Variants in AP5Z1 observed in about 807,000 individuals in gnomAD.
The protein encoded by AP5Z1 is AP-5 complex subunit zeta-1.
A neutral mutation model predicts 83.0 loss-of-function variants in AP5Z1; 106 were observed. The ratio of observed to expected loss-of-function variants is 1.28; its 90% CI spans 1.09 to 1.50. The LOEUF is 1.50. Among genes scored for constraint, AP5Z1 ranks in the 40% most tolerant of loss-of-function variants. The pLI is 0.00. For synonymous variants in AP5Z1, 751 were observed against 514.1 expected (o/e 1.46, Z -6.23); for missense variants, 1,565 against 1,094.2 (o/e 1.43, Z -6.07).
At position 4,790,802 on chromosome 7, in the gene AP5Z1, C is replaced by T. The variant is rs754268648; in HGVS notation, c.2068C>T (p.Leu690=). Residue 690 remains leucine, a synonymous_variant, in exon 16 of 17, where the codon CTG becomes TTG. Coordinates refer to ENST00000649063, the MANE Select transcript of AP5Z1 (RefSeq NM_014855.3). ...EVTQCRPSAA[L]PRCPPQVVTV... ...CACCCAGTGCCGCCCCTCTGCTGCCCTGCCCAGGTGTCCCCCCCAGGTGGT... is the reference window on the plus strand; with the variant it reads ...CACCCAGTGCCGCCCCTCTGCTGCCTTGCCCAGGTGTCCCCCCCAGGTGGT... 2 of 1,609,404 alleles carry T rather than the reference C, an allele frequency of 1.2e-6. No homozygotes were observed. Among genetic ancestry groups the T allele is most frequent in the Non-Finnish European group, 1.7e-6 (2 of 1,178,930 alleles).
In AP5Z1 at chr7:4,783,774, CT is replaced by C; in HGVS notation, c.599del (p.Phe200SerfsTer19). ...AAGGGCTCCCACACTCCGGCGGCTT[CT>C]TCTCCACGCCCAGGGCCCGGCAGGT... ...QQGLPHSGGF[F>X]STPRARQPGP... On this transcript the variant is annotated frameshift_variant, in exon 5 of 17. Transcript: ENST00000649063. LOFTEE classifies it high-confidence loss of function. The C allele has an allele frequency of 1.3e-6, 2 of 1,549,902 alleles. No homozygotes were observed. Among genetic ancestry groups the C allele is most frequent in the Non-Finnish European group, 1.7e-6 (2 of 1,147,154 alleles).
intron 12 of AP5Z1, chr7:4,788,574 C>G: frequency 2.0e-6 from 1 of 504,452 alleles, no homozygotes; most frequent in South Asian, 3.8e-5. Flanking sequence ...CAAACCGAGC[C>G]TGAGCCCAGG....
rs545239331 is a variant in AP5Z1, at chr7:4,785,717, G to C, written c.1132+33G>C. The C allele has an allele frequency of 9.7e-6, 14 of 1,441,990 alleles. No homozygotes were observed. In the South Asian group the frequency reaches 2.0e-4, roughly 21 times the overall value. The allele number at this position is 1,441,990 out of a possible 1,614,324, so 89.3% of individuals were successfully genotyped here. ...CAGGGTGGGGTGGCGCTGACTCGGG[G>C]CTCTGCTTCTGCCTTTAGTTTTAGG... On this transcript the variant is annotated intron_variant, in intron 9 of 16. Transcript: ENST00000649063.
intron 13 of AP5Z1, chr7:4,789,164 C>T: frequency 1.9e-6 from 1 of 525,932 alleles, no homozygotes; most frequent in East Asian, 3.3e-5. Context: ...AGGCCCCGTT[C>T]CCCAGTCCCC....
chr7:4,788,243 A>G lies in AP5Z1; in HGVS notation c.1544A>G (p.Gln515Arg). Reference sequence around the variant, plus strand: ...GAGGCCTTCCGGGACCCGCAGTTCCAGGGTCTTTTCCAATACCTGCTGCGC... The same window carrying G: ...GAGGCCTTCCGGGACCCGCAGTTCCGGGGTCTTTTCCAATACCTGCTGCGC... ...CLEAFRDPQF[Q>R]GLFQYLLRPK... The change falls in exon 12 of 17, where the codon CAG (glutamine) becomes CGG (arginine). Residue 515 changes from glutamine (Q) to arginine (R), a missense_variant. Coordinates refer to ENST00000649063, the MANE Select transcript of AP5Z1 (RefSeq NM_014855.3). 2 of 1,585,448 alleles carry G rather than the reference A, an allele frequency of 1.3e-6. No individual in the cohort carries two copies. The highest frequency in any genetic ancestry group is 1.2e-5 in the South Asian group (1 of 86,854).
rs535419745 is a variant in AP5Z1 at position 4,791,614 on chromosome 7, G to A, written c.*229G>A. On this transcript the variant is annotated 3_prime_UTR_variant, in exon 17 of 17. Transcript: ENST00000649063. ...AGGCAACACTGAGCTGAGCTGAGGG[G>A]TGCCATGGAGCGGCTCTGATTGGAG... 328 of 631,110 alleles carry A rather than the reference G, an allele frequency of 5.2e-4. 8 individuals carry two copies. The South Asian group carries it at 8.0e-3, about 15-fold the overall frequency. The allele number at this position is 631,110 out of a possible 1,614,324, so 39.1% of individuals were successfully genotyped here.
At position 4,787,392 on chromosome 7, in the gene AP5Z1, G is replaced by A. The variant is rs552669088; in HGVS notation, c.1312-242G>A. ...TCTCAGCTGCTCAGGAGGCTGAGGT[G>A]GGAGGATCACTTGAGCCTGGGAGGT... On this transcript the variant is annotated intron_variant, in intron 10 of 16. Coordinates refer to ENST00000649063, the MANE Select transcript of AP5Z1 (RefSeq NM_014855.3). Among the ~76,000 whole-genome samples the A allele has an allele frequency of 1.6e-3, 237 of 152,220 alleles. 3 individuals carry two copies. The highest frequency in any genetic ancestry group is 5.4e-3 in the African/African-American group (223 of 41,548).
At chr7:4,785,263 C>A (rs974186301) in intron 7 of AP5Z1, among the ~76,000 whole-genome samples, 152 bp from the exon 8 acceptor site, 1 of 152,206 alleles carries the variant, frequency 6.6e-6, no homozygotes, top group East Asian at 1.9e-4. Context: ...CCCACCTGGG[C>A]CCCTCGCCTC....
In AP5Z1 at chr7:4,790,541, C is replaced by G; in HGVS notation, c.1888C>G (p.Leu630Val). 6.2e-7 allele frequency: 1 copy of G among 1,613,176 alleles called. No individual in the cohort carries two copies. The highest frequency in any genetic ancestry group is 1.1e-5 in the South Asian group (1 of 91,084). Residue 630 changes from leucine to valine, a missense_variant, in exon 15 of 17, where the codon CTG becomes GTG. By Grantham distance (32) the Leu-to-Val change is conservative. Coordinates refer to ENST00000649063, the MANE Select transcript of AP5Z1 (RefSeq NM_014855.3). ...VELARDLLEF[L>V]GSVNGLCSRA... Reference sequence around the variant, plus strand: ...GCTGGCAAGAGACCTGCTGGAGTTCCTGGGCAGCGTGAATGGTCTCTGCAG... The same window carrying G: ...GCTGGCAAGAGACCTGCTGGAGTTCGTGGGCAGCGTGAATGGTCTCTGCAG...
chr7:4,783,747 G>C lies in AP5Z1; in HGVS notation c.570G>C (p.Gln190His). Residue 190 changes from glutamine (Q) to histidine (H), a missense_variant, in exon 5 of 17, where the codon CAG (glutamine) becomes CAC (histidine). Gln to His is a conservative substitution (Grantham distance 24, BLOSUM62 0). Coordinates refer to ENST00000649063, the MANE Select transcript of AP5Z1 (RefSeq NM_014855.3). Reference protein sequence around the residue: ...LVDWLRYASLQQGLPHSGGFF... With the variant: ...LVDWLRYASLHQGLPHSGGFF... ...ACTGGCTGCGCTACGCCAGCCTCCA[G>C]CAAGGGCTCCCACACTCCGGCGGCT... The C allele has an allele frequency of 6.4e-7, 1 of 1,550,846 alleles. No homozygotes were observed. The highest frequency in any genetic ancestry group is 8.7e-7 in the Non-Finnish European group (1 of 1,147,224).
chr7:4,787,586 T>G, intron 10 of AP5Z1, 48 bp from the exon 11 acceptor site: 1 of 1,526,254 alleles, frequency 6.6e-7, no homozygotes, highest in Non-Finnish European at 8.8e-7. Flanking sequence ...CTCTGCCGCC[T>G]GCTCCACAGC....
chr7:4,793,675 A>G lies in AP5Z1; in HGVS notation c.*2290A>G, dbSNP rs1183205843. On this transcript the variant is annotated 3_prime_UTR_variant, in exon 17 of 17. Coordinates refer to ENST00000649063, the MANE Select transcript of AP5Z1 (RefSeq NM_014855.3). The stretch of plus-strand genomic sequence containing the variant: ...CAGTGAGGGGCTTAGCACCTGGACC[A>G]GCAGCTGCTGTGCTCGATTTCTCAC... 1 of 152,600 alleles carries G rather than the reference A, an allele frequency of 6.6e-6. No homozygotes were observed. Among genetic ancestry groups the G allele is most frequent in the East Asian group, 1.9e-4 (1 of 5,214 alleles). 9.5% of individuals were successfully genotyped at this position (152,600 alleles called of 1,614,324 possible).
rs1007098492 is a variant in AP5Z1 at position 4,794,065 on chromosome 7, G to A, written c.*2680G>A. On this transcript the variant is annotated 3_prime_UTR_variant, in exon 17 of 17. Transcript: ENST00000649063. ...TTGTAAACACACCAATCAGCACCTT[G>A]TGTCTAGCTCAGGGTTTGTGAATGC... 1.3e-5 allele frequency: 2 copies of A among 152,662 alleles called. No individual in the cohort carries two copies. Among genetic ancestry groups the A allele is most frequent in the Middle Eastern group, 3.1e-3 (1 of 322 alleles). 9.5% of individuals were successfully genotyped at this position (152,662 alleles called of 1,614,324 possible). A position where few individuals can be genotyped will look rare whatever the true frequency, so the allele number is the denominator to read the frequency against.
chr7:4,776,722 G>A (rs534114755), intron 1 of AP5Z1, among the ~76,000 whole-genome samples: 2 of 152,178 alleles, frequency 1.3e-5, no homozygotes, highest in African/African-American at 2.4e-5. Flanking sequence ...GGGACAGAGC[G>A]AAACTCCGTC....
intron 11 of AP5Z1, 25 bp downstream of exon 11, chr7:4,787,801 G>C (rs753819306): frequency 1.6e-5 from 24 of 1,511,058 alleles, no homozygotes; most frequent in South Asian, 3.7e-5. Flanking sequence ...CTCTGCCAGC[G>C]CTGCGTCTCC....
chr7:4,779,570 C>A (rs915913012), intron 1 of AP5Z1, among the ~76,000 whole-genome samples: 17 of 151,580 alleles, frequency 1.1e-4, no homozygotes, highest in African/African-American at 3.9e-4. Flanking sequence ...TCTTCCAGCT[C>A]AAGCAGTTCT....
chr7:4,789,981 T>TCCTCCCCCTCTCC (rs904201985), intron 14 of AP5Z1, 52 bp downstream of exon 14: 10 of 1,350,368 alleles, frequency 7.4e-6, no homozygotes, highest in Admixed American at 5.1e-5. Context: ...CCTCCTGGAC[T>TCCTCCCCCTCTCC]CCTCCCCCTC....
intron 16 of AP5Z1, 45 bp from the exon 17 acceptor site, chr7:4,791,069 TG>T: frequency 6.6e-7 from 1 of 1,521,652 alleles, no homozygotes; most frequent in Non-Finnish European, 8.8e-7. Context: ...ACCCCTGTCC[TG>T]GGAGGGGAGC....
rs1259290231 is a variant in AP5Z1 at position 4,790,528 on chromosome 7, CCTG to C, written c.1879_1881del (p.Leu627del). On this transcript the variant is annotated inframe_deletion, in exon 15 of 17. Coordinates refer to ENST00000649063, the MANE Select transcript of AP5Z1 (RefSeq NM_014855.3). Reference sequence around the variant, plus strand: ...CCCTGGTGGTGGAGCTGGCAAGAGACCTGCTGGAGTTCCTGGGCAGCGTGAATG... The same window carrying C: ...CCCTGGTGGTGGAGCTGGCAAGAGACCTGGAGTTCCTGGGCAGCGTGAATG... 2.4e-5 allele frequency: 38 copies of C among 1,613,048 alleles called. No individual in the cohort carries two copies. The highest frequency in any genetic ancestry group is 3.1e-5 in the Non-Finnish European group (36 of 1,179,872).
Sources: allele counts gnomAD v4.1 joint callset (sites outside exome capture counted in the v4.1 genomes callset), GRCh38; gene constraint gnomAD v4.1.1; transcripts MANE v1.5; gene names NCBI Gene and HGNC (gene_info 2026-07-23, HGNC 2026-07-21).